Variants in MTCL1 observed in about 807,000 individuals in gnomAD.
The protein encoded by MTCL1 is microtubule crosslinking factor 1, also known as microtubule cross-linking factor 1.
In MTCL1, 79 loss-of-function variants were observed where a neutral mutation model predicts 141.4. That is an observed-to-expected ratio of 0.56 (90% CI 0.47 to 0.67). The LOEUF is 0.67. MTCL1 is among the 30% of genes least tolerant of loss of function. The probability of loss-of-function intolerance (pLI) is 0.00; values close to 1 mark genes in which losing one functional copy is unlikely to be tolerated. For missense variants in MTCL1, 2,177 were observed against 2,113.9 expected (o/e 1.03, Z -0.59); for synonymous variants, 914 against 875.8 (o/e 1.04, Z -0.77).
Position 8,718,643 on chromosome 18 carries a change from T to C in MTCL1, c.193T>C (p.Leu65=), listed in dbSNP as rs141424283. ...GCTTATTCGAAGCCTGGAGCAGGAC[T>C]TGAAGGTGAGTGAGGGGGTGGTGCG... Residue 65 remains leucine, a synonymous_variant, in exon 3 of 17, where the codon TTG becomes CTG. Transcript: ENST00000359865. 129 of 1,612,708 alleles carry C rather than the reference T, an allele frequency of 8.0e-5. No individual in the cohort carries two copies. In the African/African-American group the frequency reaches 1.5e-3, roughly 19 times the overall value.
intron 4 of MTCL1, among the ~76,000 whole-genome samples, chr18:8,773,690 C>A (rs2143136420): frequency 6.6e-6 from 1 of 152,000 alleles, no homozygotes; most frequent in South Asian, 2.1e-4. Context: ...AATTTTAATT[C>A]ATCTAAGATT....
intron 4 of MTCL1, among the ~76,000 whole-genome samples, chr18:8,740,753 G>A (rs148218627): frequency 1.3e-5 from 2 of 152,174 alleles, no homozygotes; most frequent in African/African-American, 4.8e-5. Flanking sequence ...AAAGTGCTGG[G>A]ATTACAGGGG....
rs908717531 is a variant in MTCL1, at chr18:8,830,310, A to T, written c.*19-1297A>T. On this transcript the variant is annotated intron_variant, in intron 16 of 16. Transcript: ENST00000359865. This position sits in a 1 kb window ranked among gnomAD's most constrained non-coding sequence, Gnocchi z 6.4. ...GAAGCTTCTCCCTGTGGCCGTATGAAGTTCCAGCCACAAAAGCAGCAGGGA... is the reference window on the plus strand; with the variant it reads ...GAAGCTTCTCCCTGTGGCCGTATGATGTTCCAGCCACAAAAGCAGCAGGGA... The T allele has an allele frequency of 2.9e-5, 29 of 985,346 alleles. No homozygotes were observed. The African/African-American group carries it at 3.3e-4, about 11-fold the overall frequency. 61.0% of individuals were successfully genotyped at this position (985,346 alleles called of 1,614,324 possible). A position where few individuals can be genotyped will look rare whatever the true frequency, so the allele number is the denominator to read the frequency against.
intron 4 of MTCL1, among the ~76,000 whole-genome samples, chr18:8,726,793 T>C (rs1187753806): frequency 1.3e-5 from 2 of 152,154 alleles, no homozygotes; most frequent in Admixed American, 1.3e-4. Context: ...GGTAATTCTT[T>C]TTAAAATTTC....
At chr18:8,818,472 A>C (rs949115406) in intron 12 of MTCL1, among the ~76,000 whole-genome samples, 4 of 152,204 alleles carry the variant, frequency 2.6e-5, no homozygotes, top group Non-Finnish European at 4.4e-5. Flanking sequence ...TGCTCACTTG[A>C]ATTACTGATA....
intron 5 of MTCL1, among the ~76,000 whole-genome samples, chr18:8,781,923 T>C (rs1218685199): frequency 6.6e-6 from 1 of 152,222 alleles, no homozygotes; most frequent in African/African-American, 2.4e-5. Context: ...AGGGCAAGCT[T>C]TCCCTGTGGC....
intron 1 of MTCL1, among the ~76,000 whole-genome samples, chr18:8,706,914 A>C (rs2096061159): frequency 6.6e-6 from 1 of 152,228 alleles, no homozygotes; most frequent in Non-Finnish European, 1.5e-5. Flanking sequence ...GGACCCCGCC[A>C]GTTCGCAACC....
exon 7 of MTCL1, chr18:8,785,995 G>C: frequency 6.2e-7 from 1 of 1,607,718 alleles, no homozygotes; most frequent in South Asian, 1.1e-5. Flanking sequence ...ACGAGCGGGA[G>C]AGCCTGCGCC....
intron 3 of MTCL1, 142 bp downstream of exon 2, chr18:8,718,790 A>T (rs1598380291): frequency 1.4e-6 from 1 of 710,088 alleles, no homozygotes. Context: ...TTTATGGCTT[A>T]TAGAGTGTGT....
intron 8 of MTCL1, 26 bp from the exon 8 acceptor site, chr18:8,796,206 A>G: frequency 6.2e-7 from 1 of 1,610,990 alleles, no homozygotes; most frequent in Non-Finnish European, 8.5e-7. Context: ...GCTGCTTGTC[A>G]CACTGTCTCT....
In MTCL1 at chr18:8,830,468, C is replaced by T. The variant is rs564908716; in HGVS notation, c.*19-1139C>T. On this transcript the variant is annotated intron_variant, in intron 16 of 16. Coordinates refer to ENST00000359865, the Ensembl canonical transcript of MTCL1. This position sits in a 1 kb window ranked among gnomAD's most constrained non-coding sequence, Gnocchi z 6.4. ...TGTCCTCGGGCCATGCTGTCTCTGC[C>T]GTGTTCCATCTTCTCCCGAGTGACA... 56 of 985,764 alleles carry T rather than the reference C, an allele frequency of 5.7e-5. No individual in the cohort carries two copies. The South Asian group carries it at 2.6e-3, about 45-fold the overall frequency. The allele number at this position is 985,764 out of a possible 1,614,324, so 61.1% of individuals were successfully genotyped here. A position where few individuals can be genotyped will look rare whatever the true frequency, so the allele number is the denominator to read the frequency against.
rs112296307 is a variant in MTCL1 at position 8,792,896 on chromosome 18, G to A, written c.1888-102G>A. The A allele has an allele frequency of 6.4e-3, 9,540 of 1,484,526 alleles. 165 individuals carry two copies. Among genetic ancestry groups the A allele is most frequent in the African/African-American group, 0.055 (3,931 of 72,042 alleles). 92.0% of individuals were successfully genotyped at this position (1,484,526 alleles called of 1,614,324 possible). ...CTGCAGTGCCCACACATGCTGTGTC[G>A]CTCCGTGTGCGTCCCCAGCTTGTGC... On this transcript the variant is annotated intron_variant, in intron 7 of 16. Coordinates refer to ENST00000359865, the Ensembl canonical transcript of MTCL1.
At chr18:8,821,752 G>A (rs1207655832) in intron 14 of MTCL1, among the ~76,000 whole-genome samples, 2 of 152,162 alleles carry the variant, frequency 1.3e-5, no homozygotes, top group Non-Finnish European at 2.9e-5. Context: ...GTTGTGTTAT[G>A]TATACAAAGG....
At position 8,720,371 on chromosome 18, in the gene MTCL1, G is replaced by A. The variant is rs761513321; in HGVS notation, c.232G>A (p.Glu78Lys). ...AGATGTATCTGTCAGATTGCACCACGAACTTAAGACGGTGGAGGAAAAGCG... is the reference window on the plus strand; with the variant it reads ...AGATGTATCTGTCAGATTGCACCACAAACTTAAGACGGTGGAGGAAAAGCG... The change falls in exon 4 of 17, where the codon GAA becomes AAA. Residue 78 changes from glutamate to lysine, a missense_variant. By Grantham distance (56) the Glu-to-Lys change is moderately conservative (BLOSUM62 1). Transcript: ENST00000359865. 29 of 1,614,046 alleles carry A rather than the reference G, an allele frequency of 1.8e-5. No homozygotes were observed. The South Asian group carries it at 2.1e-4, about 12-fold the overall frequency.
rs906201147 is a variant in MTCL1 at position 8,719,559 on chromosome 18, A to AT, written c.199-770dup. 5.9e-5 allele frequency among the ~76,000 whole-genome samples: 9 copies of AT among 151,954 alleles called. No homozygotes were observed. In the South Asian group the frequency reaches 8.4e-4, roughly 14 times the overall value. On this transcript the variant is annotated intron_variant, in intron 3 of 16. Transcript: ENST00000359865. ...ACATTGAACATCTTATGCATAGAGA[A>AT]TTTTTTTTTATTATTATTTTAGAGA...
chr18:8,739,425 T>C (rs1473284909), intron 4 of MTCL1, among the ~76,000 whole-genome samples: 2 of 152,182 alleles, frequency 1.3e-5, no homozygotes, highest in African/African-American at 4.8e-5. Flanking sequence ...AGAATATGAA[T>C]GCGCTTCCCC....
In MTCL1 at chr18:8,813,198, C is replaced by A. The variant is rs754981480; in HGVS notation, c.2824C>A (p.Arg942=). ...GGACAGAGATCGGCAGGAGTGGGAG[C>A]GGCAGAAGAAGGAATTCTTGTGGAG... Residue 942 remains arginine (R), a synonymous_variant, in exon 12 of 17, where the codon CGG becomes AGG. Transcript: ENST00000359865. 28 of 1,611,876 alleles carry A rather than the reference C, an allele frequency of 1.7e-5. 1 individual carries two copies. The South Asian group carries it at 3.0e-4, about 17-fold the overall frequency.
chr18:8,746,634 T>C (rs1457942666), intron 4 of MTCL1, among the ~76,000 whole-genome samples: 1 of 152,144 alleles, frequency 6.6e-6, no homozygotes, highest in Non-Finnish European at 1.5e-5. Flanking sequence ...AAGCCTTCTC[T>C]CGAGCTGCAC....
intron 1 of MTCL1, among the ~76,000 whole-genome samples, chr18:8,708,790 A>C (rs2096071425): frequency 6.6e-6 from 1 of 152,122 alleles, no homozygotes; most frequent in Non-Finnish European, 1.5e-5. Flanking sequence ...CCAGTGTTTC[A>C]GTTGTGGGGA....
Sources: gnomAD v4.1 joint callset for allele counts (sites outside exome capture counted in the v4.1 genomes callset) on GRCh38, gnomAD v4.1.1 for gene constraint, Gnocchi (gnomAD v3.1) non-coding constraint, MANE v1.5 for transcripts, NCBI Gene and HGNC (gene_info 2026-07-23, HGNC 2026-07-21) for gene names.